Variants in ARSG observed in about 807,000 individuals in gnomAD.
ARSG encodes the protein ASG.
In ARSG, 37 loss-of-function variants were observed where a neutral mutation model predicts 50.5. The ratio of observed to expected loss-of-function variants is 0.73; its 90% CI spans 0.56 to 0.96. ARSG has a LOEUF of 0.96. Ranked by LOEUF, ARSG falls within the 50% of genes least tolerant of loss-of-function variation. The pLI is 0.00. For missense variants in ARSG, 629 were observed against 675.3 expected, an observed-to-expected ratio of 0.93 and a Z score of 0.76; for synonymous variants, 225 against 254.6, an observed-to-expected ratio of 0.88 and a Z score of 1.11.
At chr17:68,347,324 C>T in intron 4 of ARSG, 152 bp downstream of exon 4, 1 of 841,068 alleles carries the variant, frequency 1.2e-6, no homozygotes. Context: ...ATTTGGGGTG[C>T]CAGGGCTCTC....
At chr17:68,327,680 A>G (rs1051892204) in intron 2 of ARSG, among the ~76,000 whole-genome samples, 1 of 152,114 alleles carries the variant, frequency 6.6e-6, no homozygotes, top group Non-Finnish European at 1.5e-5. Context: ...TTCTAATTAC[A>G]TTCACATTCT....
intron 8 of ARSG, among the ~76,000 whole-genome samples, chr17:68,376,678 G>A (rs1279626849): frequency 6.6e-6 from 1 of 151,584 alleles, no homozygotes; most frequent in Non-Finnish European, 1.5e-5. Flanking sequence ...TCCCCCTCCA[G>A]CATACTATTC....
intron 8 of ARSG, among the ~76,000 whole-genome samples, chr17:68,383,221 TTGG>T (rs1183823914): frequency 6.6e-6 from 1 of 152,150 alleles, no homozygotes. Flanking sequence ...GGATCCCTAA[TTGG>T]TGAAGACCAA....
intron 1 of ARSG, among the ~76,000 whole-genome samples, chr17:68,295,118 G>T (rs1568429553): frequency 7.4e-6 from 1 of 134,638 alleles, no homozygotes; most frequent in Non-Finnish European, 1.7e-5. Context: ...AGTCCTGGGG[G>T]ATTGAGGAGG....
chr17:68,293,010 C>T (rs2076072949), intron 1 of ARSG, among the ~76,000 whole-genome samples: 1 of 152,146 alleles, frequency 6.6e-6, no homozygotes, highest in African/African-American at 2.4e-5. Context: ...TTTGGTAAGG[C>T]CTCAGTACCC....
Position 68,420,066 on chromosome 17 carries a change from A to AT in ARSG, c.1304-122dup. On this transcript the variant is annotated intron_variant, in intron 11 of 11. Transcript: ENST00000621439. ...TAATATTTCTTTGACAGAGAGAGCCATCATTGGAACATTTGGTTATCTGGT... is the reference window on the plus strand; with the variant it reads ...TAATATTTCTTTGACAGAGAGAGCCATTCATTGGAACATTTGGTTATCTGGT... The AT allele has an allele frequency of 2.7e-6, 3 of 1,111,078 alleles. No individual in the cohort carries two copies. The South Asian group carries it at 4.5e-5, about 17-fold the overall frequency. 68.8% of individuals were successfully genotyped at this position (1,111,078 alleles called of 1,614,324 possible). A position where few individuals can be genotyped will look rare whatever the true frequency, so the allele number is the denominator to read the frequency against.
At chr17:68,430,888 G>C in the ARSG span, among the ~76,000 whole-genome samples, 1 of 152,216 alleles carries the variant, frequency 6.6e-6, no homozygotes. Context: ...TGCAGGATTA[G>C]GTCCTGGTGG....
intron 2 of ARSG, among the ~76,000 whole-genome samples, chr17:68,333,885 T>C (rs1443284368): frequency 6.6e-6 from 1 of 151,966 alleles, no homozygotes; most frequent in Non-Finnish European, 1.5e-5. Flanking sequence ...GGCTCAGAAG[T>C]TGGGTCCTGG....
At chr17:68,451,053 A>G in the ARSG span, among the ~76,000 whole-genome samples, 1 of 152,332 alleles carries the variant, frequency 6.6e-6, no homozygotes, top group Admixed American at 6.5e-5. Context: ...ACAGTGATCC[A>G]CCATGCCCCC....
At chr17:68,291,314 C>G (rs1444666944), upstream of ARSG, 4 of 146,982 alleles carry the variant, frequency 2.7e-5, no homozygotes, top group Admixed American at 2.7e-4. Context: ...GCCCCCCACC[C>G]CGGCCGCCTG....
At position 68,281,396 on chromosome 17, in the gene ARSG, G is replaced by A. The variant is rs148522455; in HGVS notation, c.-552+21970G>A. ...ATCCTGGCCAACATAGTGAAATCCC[G>A]TCTCTACTAAAAATACAAAAATTAG... On this transcript the variant is annotated intron_variant, in intron 1 of 11. Coordinates refer to the ARSG transcript ENST00000448504. 3.8e-3 allele frequency among the ~76,000 whole-genome samples: 581 copies of A among 151,826 alleles called. 6 individuals carry two copies. Among genetic ancestry groups the A allele is most frequent in the African/African-American group, 0.013 (544 of 41,382 alleles).
At chr17:68,395,278 A>T in intron 10 of ARSG, 85 bp downstream of exon 10, 1 of 1,564,150 alleles carries the variant, frequency 6.4e-7, no homozygotes, top group Non-Finnish European at 8.7e-7. Context: ...CAGAACCATC[A>T]TCAGAAGATG....
At chr17:68,313,828 G>A (rs2076964366) in intron 2 of ARSG, among the ~76,000 whole-genome samples, 1 of 152,000 alleles carries the variant, frequency 6.6e-6, no homozygotes, top group Non-Finnish European at 1.5e-5. Flanking sequence ...ACAGGCACCT[G>A]CCACTACGCA....
chr17:68,271,216 A>C lies in ARSG; in HGVS notation c.-552+11790A>C, dbSNP rs782234985. The C allele has an allele frequency of 6.2e-6, 10 of 1,613,976 alleles. No homozygotes were observed. The highest frequency in any genetic ancestry group is 7.6e-6 in the Non-Finnish European group (9 of 1,180,042). ...GCCCAGACTAATGCCCAGAGGAATG[A>C]TGTACAAGGAAGGTGCAAAGAATCC... is the stretch of plus-strand genomic sequence containing the variant. On this transcript the variant is annotated intron_variant, in intron 1 of 11. Transcript: ENST00000448504. The surrounding 1 kb of genome is among the most constrained non-coding windows in gnomAD (Gnocchi z 5.3).
intron 9 of ARSG, among the ~76,000 whole-genome samples, chr17:68,393,214 A>G (rs1000411721): frequency 2.6e-5 from 4 of 152,164 alleles, no homozygotes; most frequent in Admixed American, 2.6e-4. Context: ...CCTGTGATCA[A>G]CCATGGTCTA....
intron 6 of ARSG, among the ~76,000 whole-genome samples, chr17:68,366,532 G>A (rs1452714819): frequency 6.6e-6 from 1 of 152,196 alleles, no homozygotes; most frequent in East Asian, 1.9e-4. Context: ...CCATCCCTGG[G>A]AGAGTTGGCA....
chr17:68,346,325 A>G (rs964446940), intron 3 of ARSG, among the ~76,000 whole-genome samples: 2 of 152,198 alleles, frequency 1.3e-5, no homozygotes, highest in Non-Finnish European at 2.9e-5. Flanking sequence ...TCTTGAAAAA[A>G]TAGATCGATA....
chr17:68,370,266 C>T (rs879280157), intron 7 of ARSG, among the ~76,000 whole-genome samples, 178 bp from the exon 8 acceptor site: 37 of 152,136 alleles, frequency 2.4e-4, no homozygotes, highest in Non-Finnish European at 3.8e-4. Context: ...CTGCTTGCCT[C>T]CGCCTCCCAA....
chr17:68,320,110 A>G (rs1037471154), intron 2 of ARSG, among the ~76,000 whole-genome samples: 5 of 152,146 alleles, frequency 3.3e-5, no homozygotes, highest in Non-Finnish European at 7.3e-5. Context: ...AACACGGTGA[A>G]ATCCCATCTC....
Sources: allele counts gnomAD v4.1 joint callset (sites outside exome capture counted in the v4.1 genomes callset), GRCh38; gene constraint gnomAD v4.1.1; non-coding constraint Gnocchi (gnomAD v3.1); transcripts MANE v1.5; gene names NCBI Gene and HGNC (gene_info 2026-07-23, HGNC 2026-07-21).